CPXM2: variants seen among roughly 807,000 people sequenced by gnomAD.
The protein encoded by CPXM2 is inactive carboxypeptidase-like protein X2.
In CPXM2, 66 loss-of-function variants were observed where a neutral mutation model predicts 86.1. That is an observed-to-expected ratio of 0.77 (90% CI 0.63 to 0.94). CPXM2 has a LOEUF of 0.94. CPXM2 is among the 40% of genes least tolerant of loss of function. The probability of loss-of-function intolerance (pLI) is 0.00; values close to 1 mark genes in which losing one functional copy is unlikely to be tolerated. For synonymous variants in CPXM2, 388 were observed against 400.2 expected, an observed-to-expected ratio of 0.97 and a Z score of 0.36; for missense variants, 948 against 1,026.3, an observed-to-expected ratio of 0.92 and a Z score of 1.04.
chr10:123,910,169 G>A (rs928715729), intron 2 of CPXM2, among the ~76,000 whole-genome samples: 66 of 152,190 alleles, frequency 4.3e-4, no homozygotes, highest in African/African-American at 1.3e-3. Context: ...GCACATTCGC[G>A]CCCCTGCACA....
chr10:123,854,385 AAT>A (rs1271071237), intron 3 of CPXM2, among the ~76,000 whole-genome samples: 4 of 86,484 alleles, frequency 4.6e-5, no homozygotes, highest in Admixed American at 1.4e-4. Flanking sequence ...ATATATATAT[AAT>A]ATATATATTA....
intron 4 of CPXM2, among the ~76,000 whole-genome samples, chr10:123,833,675 G>A (rs1363546988): frequency 6.6e-6 from 1 of 152,238 alleles, no homozygotes; most frequent in African/African-American, 2.4e-5. Flanking sequence ...AGGCTTGGAA[G>A]GGCAAGATGG....
intron 2 of CPXM2, among the ~76,000 whole-genome samples, chr10:123,900,211 T>C (rs1945369984): frequency 6.6e-6 from 1 of 152,120 alleles, no homozygotes; most frequent in Admixed American, 6.5e-5. Flanking sequence ...CCAGAAAATT[T>C]TTGTATTTTT....
At chr10:123,857,952 C>T (rs1564800887) in intron 3 of CPXM2, among the ~76,000 whole-genome samples, 1 of 151,992 alleles carries the variant, frequency 6.6e-6, no homozygotes, top group African/African-American at 2.4e-5. Flanking sequence ...AGACTTTACA[C>T]TCACCCGTGA....
intron 3 of CPXM2, among the ~76,000 whole-genome samples, chr10:123,855,240 C>A (rs1448990250): frequency 6.6e-6 from 1 of 152,154 alleles, no homozygotes; most frequent in Non-Finnish European, 1.5e-5. Context: ...AGAACAAACA[C>A]GACATTCCTT....
chr10:123,864,890 C>G (rs978435621), intron 2 of CPXM2, among the ~76,000 whole-genome samples: 4 of 152,188 alleles, frequency 2.6e-5, no homozygotes, highest in Non-Finnish European at 5.9e-5. Context: ...TCTGTCACAT[C>G]CTCTTGCCAA....
intron 3 of CPXM2, chr10:123,843,240 C>T (rs1418599758): frequency 4.4e-6 from 2 of 454,946 alleles, no homozygotes; most frequent in Non-Finnish European, 8.8e-6. Flanking sequence ...GCACACACCA[C>T]CATGCCCTGC....
At chr10:123,898,577 A>T (rs998925771) in intron 2 of CPXM2, among the ~76,000 whole-genome samples, 5 of 152,196 alleles carry the variant, frequency 3.3e-5, no homozygotes, top group African/African-American at 1.2e-4. Flanking sequence ...GCTTGAGGTT[A>T]TAGTGAGCTA....
intron 11 of CPXM2, among the ~76,000 whole-genome samples, chr10:123,760,898 G>A (rs2133985637): frequency 6.6e-6 from 1 of 152,046 alleles, no homozygotes; most frequent in Non-Finnish European, 1.5e-5. Flanking sequence ...GTGATAGAGT[G>A]GGATTTGAAC....
intron 2 of CPXM2, among the ~76,000 whole-genome samples, chr10:123,936,652 C>A (rs528103491): frequency 1.1e-4 from 17 of 152,318 alleles, no homozygotes; most frequent in African/African-American, 4.1e-4. Flanking sequence ...GCAATGACAT[C>A]ATACAACTCT....
chr10:123,888,437 T>C (rs753127794), intron 1 of CPXM2, among the ~76,000 whole-genome samples: 2 of 152,174 alleles, frequency 1.3e-5, no homozygotes, highest in Non-Finnish European at 2.9e-5. Context: ...GTACAGAAGT[T>C]TGCATTAAAC....
chr10:123,812,273 C>G (rs1847710320), intron 4 of CPXM2, among the ~76,000 whole-genome samples: 1 of 152,070 alleles, frequency 6.6e-6, no homozygotes, highest in South Asian at 2.1e-4. Context: ...TGAACTAAAC[C>G]CACAGGTAAC....
chr10:123,800,068 G>A (rs56298425), intron 4 of CPXM2, among the ~76,000 whole-genome samples: 10,872 of 121,540 alleles, frequency 0.089, 417 homozygotes, highest in African/African-American at 0.12. Context: ...TCTGCCCATT[G>A]AAGTATTTGG....
chr10:123,861,334 A>G (rs1239947247), intron 3 of CPXM2, among the ~76,000 whole-genome samples: 2 of 152,222 alleles, frequency 1.3e-5, no homozygotes. Flanking sequence ...TGGTGCCATT[A>G]GAGAGCCACA....
chr10:123,870,075 CT>C (rs1327879014), intron 2 of CPXM2, among the ~76,000 whole-genome samples: 1 of 152,096 alleles, frequency 6.6e-6, no homozygotes, highest in African/African-American at 2.4e-5. Flanking sequence ...CAGGTAACTA[CT>C]GCGAGCCAGA....
At chr10:123,873,410 T>C (rs937502313) in intron 2 of CPXM2, among the ~76,000 whole-genome samples, 2 of 152,176 alleles carry the variant, frequency 1.3e-5, no homozygotes, top group African/African-American at 4.8e-5. Flanking sequence ...GGATTAGAAG[T>C]CAATGTTGTA....
chr10:123,859,458 A>G (rs1473418688), intron 3 of CPXM2, among the ~76,000 whole-genome samples: 1 of 152,176 alleles, frequency 6.6e-6, no homozygotes, highest in African/African-American at 2.4e-5. Context: ...ACCTCGATTT[A>G]GCCTAGTGTG....
At chr10:123,837,879 G>A (rs1848310559) in intron 4 of CPXM2, among the ~76,000 whole-genome samples, 1 of 152,154 alleles carries the variant, frequency 6.6e-6, no homozygotes, top group Admixed American at 6.5e-5. Context: ...GGACTGCGGT[G>A]GCTGAGCCTC....
intron 3 of CPXM2, among the ~76,000 whole-genome samples, chr10:123,856,748 C>T (rs565017646): frequency 3.9e-5 from 6 of 152,194 alleles, no homozygotes; most frequent in East Asian, 3.9e-4. Context: ...TGTGCCACCA[C>T]GCCCGGCTAA....
Sources: gnomAD v4.1 joint callset for allele counts (sites outside exome capture counted in the v4.1 genomes callset) on GRCh38, gnomAD v4.1.1 for gene constraint, MANE v1.5 for transcripts, NCBI Gene and HGNC (gene_info 2026-07-23, HGNC 2026-07-21) for gene names.